Variants in ABCC1 observed in about 807,000 individuals in gnomAD.
ABCC1 encodes ATP binding cassette subfamily C member 1 (ABCC1 blood group).
ABCC1 carries 83 observed loss-of-function variants against 172.9 expected under a neutral mutation model. That is an observed-to-expected ratio of 0.48 (90% CI 0.40 to 0.58). The LOEUF (loss-of-function observed/expected upper bound fraction) is 0.58, where lower values mean the gene tolerates loss of function less well. ABCC1 is among the 20% of genes least tolerant of loss of function. The pLI is 0.00. For missense variants in ABCC1, 1,817 were observed against 2,002.7 expected (o/e 0.91, Z 1.77); for synonymous variants, 937 against 825.2 (o/e 1.14, Z -2.32).
chr16:16,135,982 G>C (rs1310591351), intron 28 of ABCC1, among the ~76,000 whole-genome samples: 1 of 149,850 alleles, frequency 6.7e-6, no homozygotes, highest in Admixed American at 6.7e-5. Flanking sequence ...AAGGAAATCT[G>C]TTGTATTCTG....
intron 1 of ABCC1, among the ~76,000 whole-genome samples, chr16:15,962,078 C>G (rs975088105): frequency 1.3e-5 from 2 of 152,142 alleles, no homozygotes; most frequent in Non-Finnish European, 2.9e-5. Flanking sequence ...TATTAAGCAC[C>G]TGTTGTTTTC....
chr16:15,950,515 C>T (rs957721775), intron 1 of ABCC1, among the ~76,000 whole-genome samples: 2 of 152,126 alleles, frequency 1.3e-5, no homozygotes, highest in African/African-American at 4.8e-5. Context: ...CCCTGCAACA[C>T]GTGGAGCTCC....
At chr16:15,955,348 T>A (rs1469845460) in intron 1 of ABCC1, among the ~76,000 whole-genome samples, 1 of 151,940 alleles carries the variant, frequency 6.6e-6, no homozygotes, top group Non-Finnish European at 1.5e-5. Context: ...ACAGTGAGAC[T>A]CTGTCTCAAA....
In ABCC1 at chr16:16,111,380, G is replaced by A. The variant is rs1329770110; in HGVS notation, c.2877G>A (p.Lys959=). The change falls in exon 22 of 31, where the codon AAG becomes AAA. Residue 959 remains lysine, a synonymous_variant. Coordinates refer to ENST00000399410, the MANE Select transcript of ABCC1 (RefSeq NM_004996.4). ...EADKAQTGQV[K]LSVYWDYMKA... ...TTATCTCCTGTGATCTCCAGGTCAAGCTTTCCGTGTACTGGGACTACATGA... is the reference window on the plus strand; with the variant it reads ...TTATCTCCTGTGATCTCCAGGTCAAACTTTCCGTGTACTGGGACTACATGA... 4 of 1,614,142 alleles carry A rather than the reference G, an allele frequency of 2.5e-6. No homozygotes were observed. The highest frequency in any genetic ancestry group is 2.2e-5 in the East Asian group (1 of 44,882).
intron 18 of ABCC1, among the ~76,000 whole-genome samples, chr16:16,089,553 GAAA>G (rs374814319): frequency 7.8e-6 from 1 of 128,496 alleles, no homozygotes; most frequent in African/African-American, 2.8e-5. Flanking sequence ...ATCTCAAAAA[GAAA>G]AAAAAAAAAG....
intron 1 of ABCC1, among the ~76,000 whole-genome samples, chr16:16,006,954 G>T (rs1299783987): frequency 6.6e-6 from 1 of 151,940 alleles, no homozygotes; most frequent in Non-Finnish European, 1.5e-5. Context: ...AGTGATATTG[G>T]TGGTGGTGAT....
At chr16:15,960,680 C>T (rs1170349688) in intron 1 of ABCC1, among the ~76,000 whole-genome samples, 1 of 152,074 alleles carries the variant, frequency 6.6e-6, no homozygotes, top group Non-Finnish European at 1.5e-5. Context: ...GGTTTGACCC[C>T]AGAGCTCAGT....
intron 19 of ABCC1, among the ~76,000 whole-genome samples, chr16:16,093,535 A>G (rs1474630700): frequency 1.3e-5 from 2 of 152,068 alleles, no homozygotes; most frequent in Admixed American, 1.3e-4. Context: ...TCATTTTCCC[A>G]GTTTGACCTC....
At chr16:16,087,803 T>C (rs891749513) in intron 18 of ABCC1, among the ~76,000 whole-genome samples, 3 of 152,174 alleles carry the variant, frequency 2.0e-5, no homozygotes, top group Non-Finnish European at 2.9e-5. Flanking sequence ...GGGGGGCATA[T>C]AGATTAAGAA....
intron 8 of ABCC1, among the ~76,000 whole-genome samples, chr16:16,044,901 C>T (rs1044311481): frequency 9.9e-5 from 15 of 152,198 alleles, no homozygotes; most frequent in East Asian, 5.8e-4. Flanking sequence ...CCTCCTGCCT[C>T]GGCCTCCCAA....
chr16:16,085,237 C>T (rs2050962202), intron 17 of ABCC1, among the ~76,000 whole-genome samples: 1 of 152,208 alleles, frequency 6.6e-6, no homozygotes, highest in South Asian at 2.1e-4. Flanking sequence ...ACAGCAACCC[C>T]CAGCCCCTGC....
intron 1 of ABCC1, among the ~76,000 whole-genome samples, chr16:16,002,113 C>T (rs938780703): frequency 1.3e-5 from 2 of 152,244 alleles, no homozygotes; most frequent in South Asian, 4.2e-4. Context: ...ATGCCAAGTC[C>T]CCAGGAGACC....
At chr16:15,987,458 G>A (rs574613659) in intron 1 of ABCC1, among the ~76,000 whole-genome samples, 1 of 152,266 alleles carries the variant, frequency 6.6e-6, no homozygotes, top group South Asian at 2.1e-4. Flanking sequence ...GCTTAGCTTT[G>A]GCACTGTTGA....
intron 1 of ABCC1, among the ~76,000 whole-genome samples, chr16:15,969,441 C>T (rs1035958877): frequency 2.0e-5 from 3 of 148,674 alleles, no homozygotes; most frequent in Admixed American, 6.8e-5. Flanking sequence ...AGCGTGATCT[C>T]GGCTCACTGC....
Position 16,111,535 on chromosome 16 carries a change from A to G in ABCC1, c.3032A>G (p.His1011Arg), listed in dbSNP as rs2052389775. 9 of 1,614,020 alleles carry G rather than the reference A, an allele frequency of 5.6e-6. No individual in the cohort carries two copies. In the South Asian group the frequency reaches 7.7e-5, roughly 14 times the overall value. The change falls in exon 22 of 31, where the codon CAC becomes CGC. Residue 1011 changes from histidine (H) to arginine (R), a missense_variant. Transcript: ENST00000399410. The part of the protein sequence containing the change: ...DDPIVNGTQE[H>R]TKVRLSVYGA... ...CCCATCGTCAACGGGACTCAGGAGCACACGAAAGTCCGGCTGAGCGTCTAT... is the reference window on the plus strand; with the variant it reads ...CCCATCGTCAACGGGACTCAGGAGCGCACGAAAGTCCGGCTGAGCGTCTAT...
At chr16:15,969,899 C>G (rs895824304) in intron 1 of ABCC1, among the ~76,000 whole-genome samples, 1 of 152,034 alleles carries the variant, frequency 6.6e-6, no homozygotes, top group South Asian at 2.1e-4. Context: ...TGCTGGGAAT[C>G]GAGCGGTATA....
chr16:16,101,433 C>A (rs1166967360), intron 19 of ABCC1, among the ~76,000 whole-genome samples: 1 of 152,156 alleles, frequency 6.6e-6, no homozygotes, highest in African/African-American at 2.4e-5. Context: ...TGATCTGCAG[C>A]CCCCTCTTCC....
At chr16:16,017,428 G>A (rs1567317611) in intron 5 of ABCC1, among the ~76,000 whole-genome samples, 1 of 151,778 alleles carries the variant, frequency 6.6e-6, no homozygotes, top group East Asian at 1.9e-4. Flanking sequence ...TTTATTTTAA[G>A]TTCCAGGGTA....
At position 16,141,511 on chromosome 16, in the gene ABCC1, A is replaced by G; in HGVS notation, c.*230A>G. ...GAGATGCGAACCACCCAAAACACGC[A>G]CACCCTGCCCCTGGTGCCCTGAGAC... On this transcript the variant is annotated 3_prime_UTR_variant, in exon 31 of 31. Coordinates refer to ENST00000399410, the MANE Select transcript of ABCC1 (RefSeq NM_004996.4). The G allele has an allele frequency of 1.9e-6, 1 of 536,408 alleles. No homozygotes were observed. Among genetic ancestry groups the G allele is most frequent in the African/African-American group, 1.9e-5 (1 of 52,462 alleles). The allele number at this position is 536,408 out of a possible 1,614,324, so 33.2% of individuals were successfully genotyped here.
Sources: gnomAD v4.1 joint callset for allele counts (sites outside exome capture counted in the v4.1 genomes callset) on GRCh38, gnomAD v4.1.1 for gene constraint, MANE v1.5 for transcripts, NCBI Gene and HGNC (gene_info 2026-07-23, HGNC 2026-07-21) for gene names.